CADPS2: variants seen among roughly 807,000 people sequenced by gnomAD.
The protein encoded by CADPS2 is calcium dependent secretion activator 2.
A neutral mutation model predicts 172.5 loss-of-function variants in CADPS2; 93 were observed. The observed-to-expected ratio is 0.54, with a 90% confidence interval of 0.46 to 0.64. CADPS2 has a LOEUF of 0.64. Ranked by LOEUF, CADPS2 falls within the 30% of genes least tolerant of loss-of-function variation. The pLI is 0.00. For synonymous variants in CADPS2, 546 were observed against 555.2 expected (o/e 0.98, Z 0.23); for missense variants, 1,420 against 1,565.9 (o/e 0.91, Z 1.57).
intron 3 of CADPS2, among the ~76,000 whole-genome samples, chr7:122,655,080 TA>T (rs2079583365): frequency 6.6e-6 from 1 of 152,212 alleles, no homozygotes; most frequent in Admixed American, 6.5e-5. Context: ...AGTCTCATGA[TA>T]AAACTTGAAT....
At chr7:122,433,894 T>C (rs2050300572) in intron 17 of CADPS2, among the ~76,000 whole-genome samples, 1 of 152,170 alleles carries the variant, frequency 6.6e-6, no homozygotes, top group Admixed American at 6.5e-5. Flanking sequence ...ATCAGGCAAC[T>C]CTACACATGG....
intron 11 of CADPS2, among the ~76,000 whole-genome samples, chr7:122,484,673 T>A (rs1214772686): frequency 6.6e-6 from 1 of 152,004 alleles, no homozygotes; most frequent in Non-Finnish European, 1.5e-5. Context: ...TTTCTTTTTT[T>A]TTTTTTCTGA....
intron 1 of CADPS2, among the ~76,000 whole-genome samples, chr7:122,885,058 T>G (rs558100862): frequency 2.6e-4 from 39 of 152,334 alleles, no homozygotes; most frequent in Middle Eastern, 6.8e-3. Context: ...CTGAGGGAAC[T>G]GTTACCGATT....
chr7:122,357,595 A>G (rs564533590), intron 27 of CADPS2, among the ~76,000 whole-genome samples: 85 of 152,306 alleles, frequency 5.6e-4, no homozygotes, highest in Non-Finnish European at 1.0e-3. Context: ...ATCATACAGA[A>G]TAGTTGCTGT....
chr7:122,624,587 G>T (rs142180509), intron 4 of CADPS2, among the ~76,000 whole-genome samples: 16 of 152,274 alleles, frequency 1.1e-4, no homozygotes, highest in African/African-American at 3.8e-4. Flanking sequence ...CTAAATCGTT[G>T]AAGTGTTTAA....
At chr7:122,687,644 G>A (rs1377370767) in intron 2 of CADPS2, among the ~76,000 whole-genome samples, 1 of 152,172 alleles carries the variant, frequency 6.6e-6, no homozygotes, top group East Asian at 1.9e-4. Context: ...GCAACACCTT[G>A]TGTATTATAG....
chr7:122,767,916 G>A (rs1452403981), intron 1 of CADPS2, among the ~76,000 whole-genome samples: 2 of 152,072 alleles, frequency 1.3e-5, no homozygotes, highest in Non-Finnish European at 2.9e-5. Context: ...GCTGCCTCTT[G>A]TTTGTTATTT....
At chr7:122,581,321 A>C in intron 6 of CADPS2, 31 bp from the exon 7 acceptor site, 1 of 1,555,874 alleles carries the variant, frequency 6.4e-7, no homozygotes, top group Non-Finnish European at 8.9e-7. Flanking sequence ...TGTTTCTTAA[A>C]ATGCAGCATT....
intron 17 of CADPS2, among the ~76,000 whole-genome samples, chr7:122,432,735 C>T (rs930099716): frequency 1.3e-5 from 2 of 150,126 alleles, no homozygotes; most frequent in Admixed American, 6.6e-5. Flanking sequence ...ATTTTGGGTA[C>T]AGCTTTACTC....
chr7:122,518,551 C>T (rs1290997926), intron 8 of CADPS2, among the ~76,000 whole-genome samples: 10 of 151,996 alleles, frequency 6.6e-5, no homozygotes, highest in Non-Finnish European at 1.2e-4. Context: ...CTAAGAAATG[C>T]GTGTGTCAGG....
chr7:122,885,473 ATTAAT>A (rs770389214), intron 1 of CADPS2, among the ~76,000 whole-genome samples: 2 of 152,094 alleles, frequency 1.3e-5, no homozygotes, highest in South Asian at 2.1e-4. Context: ...TAGGAAACGT[ATTAAT>A]TTAACTTTTT....
At chr7:122,582,011 G>A (rs946439701) in intron 6 of CADPS2, among the ~76,000 whole-genome samples, 3 of 151,884 alleles carry the variant, frequency 2.0e-5, no homozygotes, top group African/African-American at 7.2e-5. Context: ...AAACTTAACT[G>A]GCACACACCT....
chr7:122,407,791 T>G lies in CADPS2; in HGVS notation c.2590-95A>C, dbSNP rs772334132. 33 of 1,209,756 alleles carry G rather than the reference T, an allele frequency of 2.7e-5. 1 individual carries two copies. In the South Asian group the frequency reaches 4.4e-4, roughly 16 times the overall value. The allele number at this position is 1,209,756 out of a possible 1,614,324, so 74.9% of individuals were successfully genotyped here. ...AGTTGAAAATATTTTATAACATGTCTTAGTTTCACAAACAGGTATGATAAA... is the reference window on the plus strand; with the variant it reads ...AGTTGAAAATATTTTATAACATGTCGTAGTTTCACAAACAGGTATGATAAA... On this transcript the variant is annotated intron_variant, in intron 19 of 29. Transcript: ENST00000449022.
intron 2 of CADPS2, among the ~76,000 whole-genome samples, chr7:122,684,368 T>C (rs1015566069): frequency 2.6e-5 from 4 of 152,112 alleles, no homozygotes; most frequent in Admixed American, 1.3e-4. Flanking sequence ...AAAAGCATGA[T>C]TTTCCCCCAA....
chr7:122,650,886 A>G (rs547803392), intron 3 of CADPS2, among the ~76,000 whole-genome samples: 4 of 151,934 alleles, frequency 2.6e-5, no homozygotes, highest in Admixed American at 2.6e-4. Context: ...CCAAAAATTT[A>G]ACACATATAT....
intron 9 of CADPS2, 64 bp downstream of exon 9, chr7:122,513,185 C>T: frequency 9.1e-7 from 1 of 1,104,268 alleles, no homozygotes; most frequent in Non-Finnish European, 1.3e-6. Flanking sequence ...AGATATAACC[C>T]ACATAAACAA....
chr7:122,558,564 G>A (rs1320255034), intron 7 of CADPS2, among the ~76,000 whole-genome samples: 2 of 152,048 alleles, frequency 1.3e-5, no homozygotes, highest in African/African-American at 4.8e-5. Flanking sequence ...AAATGTCAGT[G>A]TCACTTGTCA....
chr7:122,714,868 A>C (rs2089359216), intron 2 of CADPS2, among the ~76,000 whole-genome samples: 1 of 152,132 alleles, frequency 6.6e-6, no homozygotes, highest in South Asian at 2.1e-4. Flanking sequence ...TTTAAAATTC[A>C]CAACACTGCA....
At chr7:122,497,696 G>A (rs779007142) in intron 9 of CADPS2, among the ~76,000 whole-genome samples, 2 of 152,028 alleles carry the variant, frequency 1.3e-5, no homozygotes, top group Non-Finnish European at 2.9e-5. Context: ...TCATTTTCTT[G>A]CTGATGACTG....
Sources: allele counts gnomAD v4.1 joint callset (sites outside exome capture counted in the v4.1 genomes callset), GRCh38; gene constraint gnomAD v4.1.1; transcripts MANE v1.5; gene names NCBI Gene and HGNC (gene_info 2026-07-23, HGNC 2026-07-21).